Variants in VILL observed in about 807,000 individuals in gnomAD.
VILL encodes villin-like protein.
VILL carries 102 observed loss-of-function variants against 106.3 expected under a neutral mutation model. That is an observed-to-expected ratio of 0.96 (90% CI 0.82 to 1.13). The LOEUF (loss-of-function observed/expected upper bound fraction) is 1.13, where lower values mean the gene tolerates loss of function less well. Among genes scored for constraint, VILL ranks in the 50% most tolerant of loss-of-function variants. The pLI, the probability that VILL is intolerant of heterozygous loss-of-function variation, is 0.00. For synonymous variants in VILL, 431 were observed against 440.3 expected, an observed-to-expected ratio of 0.98 and a Z score of 0.27; for missense variants, 1,076 against 1,116.6, an observed-to-expected ratio of 0.96 and a Z score of 0.52.
At chr3:37,996,953 TCA>T in intron 5 of VILL, 122 bp from the exon 6 acceptor site, 7 of 764,632 alleles carry the variant, frequency 9.2e-6, no homozygotes, top group Non-Finnish European at 1.6e-5. Context: ...TTATCTACAG[TCA>T]CACATGCCTA....
chr3:38,004,964 G>A (rs1249205003), intron 16 of VILL, among the ~76,000 whole-genome samples: 1 of 152,184 alleles, frequency 6.6e-6, no homozygotes, highest in Non-Finnish European at 1.5e-5. Flanking sequence ...TCTGCGCACA[G>A]TGGTATAACT....
At position 37,993,603 on chromosome 3, in the gene VILL, G is replaced by C; in HGVS notation, c.-70G>C. The C allele has an allele frequency of 4.1e-6, 6 of 1,470,802 alleles. No homozygotes were observed. The highest frequency in any genetic ancestry group is 5.7e-6 in the Non-Finnish European group (6 of 1,057,648). The allele number at this position is 1,470,802 out of a possible 1,614,324, so 91.1% of individuals were successfully genotyped here. A position where few individuals can be genotyped will look rare whatever the true frequency, so the allele number is the denominator to read the frequency against. Reference sequence around the variant, plus strand: ...ATAATGAAGTTGTACAGGTAGCCAGGTGTCGGTCTCCAGCCTGAGAACTCT... The same window carrying C: ...ATAATGAAGTTGTACAGGTAGCCAGCTGTCGGTCTCCAGCCTGAGAACTCT... On this transcript the variant is annotated 5_prime_UTR_variant, in exon 2 of 20. Coordinates refer to ENST00000383759, the MANE Select transcript of VILL (RefSeq NM_015873.4).
chr3:37,991,488 G>C (rs1293034930), intron 1 of VILL, among the ~76,000 whole-genome samples: 1 of 151,696 alleles, frequency 6.6e-6, no homozygotes, highest in African/African-American at 2.4e-5. Context: ...AAGGATCCCA[G>C]GGGAGAGGGG....
At position 38,001,439 on chromosome 3, in the gene VILL, G is replaced by T. The variant is rs1484766746; in HGVS notation, c.1183-17G>T. 6.2e-7 allele frequency: 1 copy of T among 1,612,774 alleles called. No homozygotes were observed. Among genetic ancestry groups the T allele is most frequent in the Non-Finnish European group, 8.5e-7 (1 of 1,179,332 alleles). The stretch of plus-strand genomic sequence containing the variant: ...GGAAGAGCAGCCACCTGTGCCCATT[G>T]GTCCCTTATTCCCCAGGTGTGGTGC... On this transcript the variant is annotated splice_polypyrimidine_tract_variant and intron_variant, in intron 11 of 19. Coordinates refer to ENST00000383759, the MANE Select transcript of VILL (RefSeq NM_015873.4).
At chr3:37,990,049 G>C (rs1699590975), upstream of VILL, among the ~76,000 whole-genome samples, 1 of 152,236 alleles carries the variant, frequency 6.6e-6, no homozygotes, top group African/African-American at 2.4e-5. This position sits in a 1 kb window ranked among gnomAD's most constrained non-coding sequence, Gnocchi z 5.1. Flanking sequence ...GCCCACGCTG[G>C]CTGGGCCTTG....
In VILL at chr3:37,997,082, G is replaced by C. The variant is rs1699715976; in HGVS notation, c.456G>C (p.Glu152Asp). The change falls in exon 6 of 20, where the codon GAG becomes GAC. Residue 152 changes from glutamate (E) to aspartate (D), a missense_variant. By Grantham distance (45) the Glu-to-Asp change is conservative. Coordinates refer to ENST00000383759, the MANE Select transcript of VILL (RefSeq NM_015873.4). The surrounding 1 kb of genome is among the most constrained non-coding windows in gnomAD (Gnocchi z 4.7). ...TCTCTCCCTGGCTCTGGCAGGTGGAGCTCTCCTGGAACAGCTTTAATAAGG... is the reference window on the plus strand; with the variant it reads ...TCTCTCCCTGGCTCTGGCAGGTGGACCTCTCCTGGAACAGCTTTAATAAGG... ...GRKHVSATEV[E>D]LSWNSFNKGD... 6.2e-7 allele frequency: 1 copy of C among 1,613,876 alleles called. No individual in the cohort carries two copies. Among genetic ancestry groups the C allele is most frequent in the Admixed American group, 1.7e-5 (1 of 60,006 alleles).
In VILL at chr3:37,998,943, A is replaced by G; in HGVS notation, c.974A>G (p.Tyr325Cys). ...ATCCAGGCCAAGGGCTACCCGACCT[A>G]CACCAACGTGGAGGTGGTGAACGAC... is the stretch of plus-strand genomic sequence containing the variant. ...GFIQAKGYPT[Y>C]TNVEVVNDGA... is the part of the protein sequence containing the mutation. Residue 325 changes from tyrosine to cysteine, a missense_variant, in exon 10 of 20, where the codon TAC becomes TGC. By Grantham distance (194) the Tyr-to-Cys change is radical (BLOSUM62 -2). Transcript: ENST00000383759. The surrounding 1 kb of genome is among the most constrained non-coding windows in gnomAD (Gnocchi z 4.1). The G allele has an allele frequency of 1.9e-6, 3 of 1,610,076 alleles. No individual in the cohort carries two copies. The highest frequency in any genetic ancestry group is 1.7e-6 in the Non-Finnish European group (2 of 1,178,112).
chr3:37,995,696 A>G (rs769607062), intron 4 of VILL, 43 bp from the exon 5 acceptor site: 6 of 1,520,088 alleles, frequency 3.9e-6, no homozygotes, highest in East Asian at 4.5e-5. Flanking sequence ...CTGTGTTCTT[A>G]TATACACAGA....
intron 11 of VILL, chr3:38,000,948 C>T (rs570173654): frequency 8.7e-5 from 40 of 457,200 alleles, no homozygotes; most frequent in South Asian, 1.2e-4. Context: ...GACCAGAGTC[C>T]GCCTGGCTCC....
chr3:37,989,480 G>A (rs1699585462), upstream of VILL, among the ~76,000 whole-genome samples: 1 of 152,244 alleles, frequency 6.6e-6, no homozygotes, highest in Admixed American at 6.5e-5. Context: ...GACAGGTGGA[G>A]TGAGAGGGGA....
intron 4 of VILL, 114 bp downstream of exon 4, chr3:37,994,580 G>C: frequency 8.5e-7 from 1 of 1,181,174 alleles, no homozygotes; most frequent in South Asian, 1.4e-5. Context: ...GGGAGGGGTT[G>C]GGTAACACCT....
chr3:37,993,683 G>C lies in VILL; in HGVS notation c.11G>C (p.Ser4Thr). Reference protein sequence around the residue: MDISKGLPGMQGGL... With the variant: MDITKGLPGMQGGL... ...CCTGCCTGGCCTGCGATGGACATCA[G>C]CAAGGGCCTCCCAGGCATGCAGGGA... Residue 4 changes from serine (S) to threonine (T), a missense_variant, in exon 2 of 20, where the codon AGC (serine) becomes ACC (threonine). Coordinates refer to ENST00000383759, the MANE Select transcript of VILL (RefSeq NM_015873.4). 1 of 1,614,086 alleles carries C rather than the reference G, an allele frequency of 6.2e-7. No homozygotes were observed. The highest frequency in any genetic ancestry group is 8.5e-7 in the Non-Finnish European group (1 of 1,179,962).
At chr3:37,990,199 T>C (rs1699592562), upstream of VILL, among the ~76,000 whole-genome samples, 1 of 152,186 alleles carries the variant, frequency 6.6e-6, no homozygotes, top group Admixed American at 6.5e-5. This position sits in a 1 kb window ranked among gnomAD's most constrained non-coding sequence, Gnocchi z 5.1. Context: ...GAGAGGTGTC[T>C]TCGCTGCAAG....
At chr3:38,001,320 A>G in intron 11 of VILL, 136 bp from the exon 12 acceptor site, 1 of 1,301,332 alleles carries the variant, frequency 7.7e-7, no homozygotes, top group Non-Finnish European at 1.1e-6. Flanking sequence ...ATGGGCCTGG[A>G]GCTGAGGGTG....
Position 38,004,357 on chromosome 3 carries a change from C to T in VILL, c.1908C>T (p.Asp636=), listed in dbSNP as rs1221966488. ...LAEVGFFSQE[D]LDKYDIMLLD... ...AAGTGGGGTTCTTCAGCCAGGAGGA[C>T]CTGGACAAGTATGACATCATGTTAC... Residue 636 remains aspartate, a synonymous_variant, in exon 16 of 20, where the codon GAC becomes GAT. Coordinates refer to ENST00000383759, the MANE Select transcript of VILL (RefSeq NM_015873.4). 6 of 1,613,498 alleles carry T rather than the reference C, an allele frequency of 3.7e-6. No homozygotes were observed. The highest frequency in any genetic ancestry group is 5.1e-6 in the Non-Finnish European group (6 of 1,179,544).
chr3:38,006,871 T>C, intron 19 of VILL, 71 bp from the exon 20 acceptor site: 2 of 1,524,076 alleles, frequency 1.3e-6, no homozygotes, highest in South Asian at 2.4e-5. Context: ...TGACTGACAC[T>C]ACTGAGTGGG....
Position 37,997,497 on chromosome 3 carries a change from CTACAGCCTCCGGGACAGGGAACGTGG to C in VILL, c.578_603del (p.Tyr193TrpfsTer11). The C allele has an allele frequency of 6.2e-7, 1 of 1,613,926 alleles. No individual in the cohort carries two copies. The highest frequency in any genetic ancestry group is 8.5e-7 in the Non-Finnish European group (1 of 1,180,004). On this transcript the variant is annotated frameshift_variant, in exon 7 of 20. Transcript: ENST00000383759. LOFTEE classifies it high-confidence loss of function. This position sits in a 1 kb window ranked among gnomAD's most constrained non-coding sequence, Gnocchi z 4.7. ...CTCTCCCGCAGGGGCTGGCTTTGAC[CTACAGCCTCCGGGACAGGGAACGTGG>C]TGGTGGTCGTGCACAGATTGGTGTG...
At chr3:38,000,862 C>A in intron 11 of VILL, 1 of 456,708 alleles carries the variant, frequency 2.2e-6, no homozygotes, top group Non-Finnish European at 4.4e-6. Context: ...GAGGCGTCAT[C>A]ATCCCCAATA....
chr3:37,989,648 TC>T (rs1342763101), upstream of VILL, among the ~76,000 whole-genome samples: 1 of 151,978 alleles, frequency 6.6e-6, no homozygotes, highest in African/African-American at 2.4e-5. Flanking sequence ...CACAGAGTCT[TC>T]CTGGGCACAG....
Sources: gnomAD v4.1 joint callset for allele counts (sites outside exome capture counted in the v4.1 genomes callset) on GRCh38, gnomAD v4.1.1 for gene constraint, Gnocchi (gnomAD v3.1) non-coding constraint, MANE v1.5 for transcripts, NCBI Gene and HGNC (gene_info 2026-07-23, HGNC 2026-07-21) for gene names.